Variants in FOXP2 observed in about 807,000 individuals in gnomAD.
The protein encoded by FOXP2 is forkhead box P2.
In FOXP2, 12 loss-of-function variants were observed where a neutral mutation model predicts 115.8. That is an observed-to-expected ratio of 0.10 (90% CI 0.07 to 0.17). The LOEUF (loss-of-function observed/expected upper bound fraction) is 0.17, where lower values mean the gene tolerates loss of function less well. FOXP2 is among the 10% of genes least tolerant of loss of function. The pLI, the probability that FOXP2 is intolerant of heterozygous loss-of-function variation, is 1.00. For missense variants in FOXP2, 629 were observed against 843.5 expected, an observed-to-expected ratio of 0.75 and a Z score of 3.15; for synonymous variants, 328 against 297.7, an observed-to-expected ratio of 1.10 and a Z score of -1.05.
intron 3 of FOXP2, among the ~76,000 whole-genome samples, chr7:114,554,908 A>G (rs1445713781): frequency 6.6e-6 from 1 of 152,110 alleles, no homozygotes; most frequent in Non-Finnish European, 1.5e-5. Context: ...TAATGTCAGG[A>G]TTCAGACACG....
rs776653007 is a variant in FOXP2, at chr7:114,495,483, C to CTCTTTTTTTTTTTTT, written c.169-39133_169-39132insCTTTTTTTTTTTTTT. Among the ~76,000 whole-genome samples, 28 of 61,448 alleles carry CTCTTTTTTTTTTTTT rather than the reference C, an allele frequency of 4.6e-4. 1 individual carries two copies. Among genetic ancestry groups the CTCTTTTTTTTTTTTT allele is most frequent in the East Asian group, 1.3e-3 (2 of 1,570 alleles). 40.3% of individuals were successfully genotyped at this position (61,448 alleles called of 152,430 possible). On this transcript the variant is annotated intron_variant, in intron 2 of 16. Coordinates refer to ENST00000350908, the MANE Select transcript of FOXP2 (RefSeq NM_014491.4). ...TTCTTTGTTTTTTCTTTCTCTCTCT[C>CTCTTTTTTTTTTTTT]TTTTTTTTTTTTTTTTTTTTTTTTT...
chr7:114,538,221 A>T, intron 3 of FOXP2: 1 of 804,440 alleles, frequency 1.2e-6, no homozygotes, highest in South Asian at 1.4e-5. Context: ...AAATTTAAAA[A>T]AATTTTTGTA....
At chr7:114,606,081 A>G (rs900204755) in intron 3 of FOXP2, among the ~76,000 whole-genome samples, 1 of 152,166 alleles carries the variant, frequency 6.6e-6, no homozygotes, top group Non-Finnish European at 1.5e-5. Flanking sequence ...CATTATAGAA[A>G]TGATTGGGCA....
intron 1 of FOXP2, among the ~76,000 whole-genome samples, chr7:114,114,680 T>G (rs1001035727): frequency 6.6e-6 from 1 of 152,176 alleles, no homozygotes; most frequent in African/African-American, 2.4e-5. Flanking sequence ...TTGCTTTCTT[T>G]CAAGAAGGTT....
At chr7:114,481,581 T>C (rs1796538207) in intron 2 of FOXP2, among the ~76,000 whole-genome samples, 1 of 151,370 alleles carries the variant, frequency 6.6e-6, no homozygotes, top group African/African-American at 2.4e-5. Context: ...TTCTCATTAA[T>C]TGACATTAAT....
rs1306171679 is a variant in FOXP2, at chr7:114,515,931, C to T, written c.169-18686C>T. Among the ~76,000 whole-genome samples the T allele has an allele frequency of 2.0e-5, 3 of 152,116 alleles. No individual in the cohort carries two copies. In the East Asian group the frequency reaches 5.8e-4, roughly 29 times the overall value. On this transcript the variant is annotated intron_variant, in intron 2 of 16. Coordinates refer to ENST00000350908, the MANE Select transcript of FOXP2 (RefSeq NM_014491.4). ...AAGAGGTTACAAACAAATGGAAGAA[C>T]ATTCCATGCTCATGGGTAGGAAGAA...
intron 2 of FOXP2, among the ~76,000 whole-genome samples, chr7:114,378,701 A>AAAAAAAAAAAAAAAAAG (rs1554380027): frequency 2.5e-4 from 27 of 106,794 alleles, no homozygotes; most frequent in African/African-American, 7.4e-4. Context: ...AAAAAAAAAA[A>AAAAAAAAAAAAAAAAAG]GGAAAAGAAA....
rs574472733 is a variant in FOXP2, at chr7:114,196,169, G to A, written c.-102+33081G>A. Among the ~76,000 whole-genome samples the A allele has an allele frequency of 7.9e-5, 12 of 151,958 alleles. No individual in the cohort carries two copies. The South Asian group carries it at 1.5e-3, about 18-fold the overall frequency. On this transcript the variant is annotated intron_variant, in intron 1 of 17. Transcript: ENST00000634411. ...CTGGGACTAGGGCGCGCGTCACCACGCCCAGCTAATTTTTGTATTTTTAGT... is the reference window on the plus strand; with the variant it reads ...CTGGGACTAGGGCGCGCGTCACCACACCCAGCTAATTTTTGTATTTTTAGT...
At chr7:114,284,632 A>G (rs944927129) in intron 1 of FOXP2, among the ~76,000 whole-genome samples, 11 of 152,178 alleles carry the variant, frequency 7.2e-5, no homozygotes, top group African/African-American at 1.9e-4. Context: ...TAGTTCAACC[A>G]TTATAGAAAA....
At chr7:114,353,010 G>T (rs2129186147) in intron 2 of FOXP2, among the ~76,000 whole-genome samples, 1 of 152,160 alleles carries the variant, frequency 6.6e-6, no homozygotes, top group African/African-American at 2.4e-5. Flanking sequence ...TCTGTAATGA[G>T]ATTGGGCTTT....
intron 1 of FOXP2, among the ~76,000 whole-genome samples, chr7:114,198,829 T>C (rs1258190416): frequency 1.3e-5 from 2 of 152,092 alleles, no homozygotes; most frequent in Non-Finnish European, 2.9e-5. Flanking sequence ...TTTTATGAAA[T>C]TGGGATCTGG....
intron 2 of FOXP2, among the ~76,000 whole-genome samples, chr7:114,394,166 C>A (rs1792681729): frequency 6.6e-6 from 1 of 151,834 alleles, no homozygotes; most frequent in African/African-American, 2.4e-5. Flanking sequence ...ATAACTGGGA[C>A]AGGGAAAGTA....
intron 1 of FOXP2, among the ~76,000 whole-genome samples, chr7:114,129,516 ATG>A (rs1271487609): frequency 6.6e-6 from 1 of 152,186 alleles, no homozygotes; most frequent in Non-Finnish European, 1.5e-5. Context: ...TAAAAAAAAA[ATG>A]TGTTTTTATA....
chr7:114,576,694 A>C (rs7780785), intron 3 of FOXP2, among the ~76,000 whole-genome samples: 12,300 of 151,972 alleles, frequency 0.081, 1,041 homozygotes, highest in East Asian at 0.23. Context: ...TTTGCATTTT[A>C]AAGTTATTTG....
In FOXP2 at chr7:114,426,490, A is replaced by T. The variant is rs1793856124; in HGVS notation, c.-10-12A>T. 1 of 1,609,482 alleles carries T rather than the reference A, an allele frequency of 6.2e-7. No homozygotes were observed. Among genetic ancestry groups the T allele is most frequent in the Non-Finnish European group, 8.5e-7 (1 of 1,176,978 alleles). On this transcript the variant is annotated splice_polypyrimidine_tract_variant and intron_variant, in intron 1 of 16. Coordinates refer to ENST00000350908, the MANE Select transcript of FOXP2 (RefSeq NM_014491.4). ...TAACGTGTGTTAATTGATACTTCTT[A>T]ATCACTTTTAGGTATTAAGTCATGA...
chr7:114,254,945 G>A (rs945498964), intron 1 of FOXP2, among the ~76,000 whole-genome samples: 1 of 152,180 alleles, frequency 6.6e-6, no homozygotes, highest in African/African-American at 2.4e-5. Context: ...GTTCTTTGAT[G>A]ATGGTGACGT....
chr7:114,384,520 TTCAGTACCCATCTG>T (rs1792392597), intron 2 of FOXP2, among the ~76,000 whole-genome samples: 2 of 152,124 alleles, frequency 1.3e-5, no homozygotes, highest in Non-Finnish European at 2.9e-5. Flanking sequence ...ACCCATTGTA[TTCAGTACCCATCTG>T]TCACCTGGGA....
At chr7:114,538,301 A>T in intron 3 of FOXP2, 1 of 1,295,798 alleles carries the variant, frequency 7.7e-7, no homozygotes, top group South Asian at 1.2e-5. Context: ...AATTGGTCGC[A>T]TTATTGTTCT....
rs144857885 is a variant in FOXP2 at position 114,309,030 on chromosome 7, C to A, written c.-11+20921C>A. On this transcript the variant is annotated intron_variant, in intron 2 of 17. Transcript: ENST00000634411. ...CTTGTAAGCAGAGGTACTATCTAAT[C>A]TTTTCAGAATGTATTTTTAAGAGTG... Among the ~76,000 whole-genome samples, 6 of 152,246 alleles carry A rather than the reference C, an allele frequency of 3.9e-5. No individual in the cohort carries two copies. The East Asian group carries it at 9.7e-4, about 25-fold the overall frequency.
Sources: gnomAD v4.1 joint callset for allele counts (sites outside exome capture counted in the v4.1 genomes callset) on GRCh38, gnomAD v4.1.1 for gene constraint, MANE v1.5 for transcripts, NCBI Gene and HGNC (gene_info 2026-07-23, HGNC 2026-07-21) for gene names.